Variants in SLC44A2 observed in about 807,000 individuals in gnomAD.
SLC44A2 encodes the protein choline transporter-like protein 2.
SLC44A2 carries 57 observed loss-of-function variants against 90.8 expected under a neutral mutation model. The observed-to-expected ratio is 0.63, with a 90% CI of 0.51 to 0.78. The LOEUF (loss-of-function observed/expected upper bound fraction) is 0.78, where lower values mean the gene tolerates loss of function less well. Among genes scored for constraint, SLC44A2 ranks in the 30% least tolerant of loss-of-function variants. The pLI, the probability that SLC44A2 is intolerant of heterozygous loss-of-function variation, is 0.00. For missense variants in SLC44A2, 794 were observed against 919.7 expected (o/e 0.86, Z 1.77); for synonymous variants, 355 against 360.7 (o/e 0.98, Z 0.18).
At chr19:10,635,538 G>A (rs2067045065) in intron 14 of SLC44A2, 23 bp downstream of exon 14, 4 of 1,602,426 alleles carry the variant, frequency 2.5e-6, no homozygotes, top group Non-Finnish European at 3.4e-6. Flanking sequence ...GGGGTGGGGA[G>A]GGCAGGTATT....
chr19:10,635,311 GC>G, intron 13 of SLC44A2, 56 bp downstream of exon 13: 2 of 1,608,668 alleles, frequency 1.2e-6, no homozygotes, highest in South Asian at 2.2e-5. Context: ...GACCAACTTT[GC>G]CTAGAAGTGA....
upstream of SLC44A2, chr19:10,625,240 C>A: frequency 4.7e-6 from 1 of 212,856 alleles, no homozygotes; most frequent in Non-Finnish European, 9.2e-6. Flanking sequence ...GGCAGTAGGC[C>A]GTTTTCCCTC....
intron 1 of SLC44A2, among the ~76,000 whole-genome samples, chr19:10,608,167 G>A (rs1410115996): frequency 6.6e-6 from 1 of 151,148 alleles, no homozygotes; most frequent in Admixed American, 6.6e-5. Context: ...AGGTTGTAGT[G>A]AGCCGAGATC....
intron 20 of SLC44A2, among the ~76,000 whole-genome samples, chr19:10,638,962 G>T (rs1421385322): frequency 6.6e-6 from 1 of 152,138 alleles, no homozygotes; most frequent in Admixed American, 6.6e-5. Context: ...ACCACGTGTG[G>T]CTAATTTTAC....
At chr19:10,616,902 C>G (rs2066859495) in intron 1 of SLC44A2, among the ~76,000 whole-genome samples, 1 of 152,052 alleles carries the variant, frequency 6.6e-6, no homozygotes, top group Non-Finnish European at 1.5e-5. Context: ...ACCACCACGC[C>G]CAGCTTGTTC....
At chr19:10,637,477 T>C (rs780123264) in intron 16 of SLC44A2, 167 bp from the exon 17 acceptor site, 22 of 631,380 alleles carry the variant, frequency 3.5e-5, no homozygotes, top group Non-Finnish European at 6.2e-5. Context: ...AGTGGCACCA[T>C]CATAGCTCAC....
Position 10,638,253 on chromosome 19 carries a change from C to T in SLC44A2, c.1867C>T (p.His623Tyr). The change falls in exon 20 of 22, where the codon CAC (histidine) becomes TAC (tyrosine). Residue 623 changes from histidine (H) to tyrosine (Y), a missense_variant. Transcript: ENST00000335757. ...GATCCTGGCTTTCTTCTTCTTCACC[C>T]ACCGTATCAGGATCGTGCAGGATAC... is the stretch of plus-strand genomic sequence containing the variant. Reference protein sequence around the residue: ...VGILAFFFFTHRIRIVQDTAP... With the variant: ...VGILAFFFFTYRIRIVQDTAP... 1 of 1,614,106 alleles carries T rather than the reference C, an allele frequency of 6.2e-7. No homozygotes were observed. The highest frequency in any genetic ancestry group is 2.2e-5 in the East Asian group (1 of 44,880).
At chr19:10,625,335 G>A (rs565738257), upstream of SLC44A2, 2 of 565,748 alleles carry the variant, frequency 3.5e-6, no homozygotes, top group African/African-American at 2.0e-5. Context: ...GGCATCGCCC[G>A]GTGGCAGGGT....
intron 1 of SLC44A2, among the ~76,000 whole-genome samples, chr19:10,604,656 C>A (rs959798393): frequency 6.6e-6 from 1 of 152,060 alleles, no homozygotes; most frequent in Non-Finnish European, 1.5e-5. Flanking sequence ...TGGGTGAGTC[C>A]GTGACCTCTC....
chr19:10,643,361 C>A lies in SLC44A2; in HGVS notation c.2097C>A (p.Thr699=). 1 of 1,612,884 alleles carries A rather than the reference C, an allele frequency of 6.2e-7. No homozygotes were observed. The highest frequency in any genetic ancestry group is 1.1e-5 in the South Asian group (1 of 90,766). ...SSTLKKLLNK[T]NKKAAES ...CCCTCAAGAAACTCTTGAACAAGAC[C>A]AACAAGAAGGCAGCGGAGTCCTGAA... Residue 699 remains threonine, a synonymous_variant, in exon 22 of 22, where the codon ACC becomes ACA. Transcript: ENST00000335757.
At chr19:10,623,846 C>T (rs1599239493), upstream of SLC44A2, among the ~76,000 whole-genome samples, 1 of 152,178 alleles carries the variant, frequency 6.6e-6, no homozygotes, top group East Asian at 1.9e-4. Flanking sequence ...CCCACCACCA[C>T]ACCTGGCTAA....
At chr19:10,619,498 G>A (rs1193737429) in intron 1 of SLC44A2, among the ~76,000 whole-genome samples, 3 of 149,488 alleles carry the variant, frequency 2.0e-5, no homozygotes, top group Admixed American at 6.7e-5. Flanking sequence ...GAGGCTGCTC[G>A]ATTTGCAATA....
At position 10,631,401 on chromosome 19, in the gene SLC44A2, T is replaced by G. The variant is rs772927685; in HGVS notation, c.441+16T>G. On this transcript the variant is annotated intron_variant, in intron 6 of 21. Coordinates refer to ENST00000335757, the MANE Select transcript of SLC44A2 (RefSeq NM_020428.4). ...GAACAATAAAGTGAGTTGTAGACTG[T>G]CCTGAGAGCACAGGTATGGGCAGTG... The G allele has an allele frequency of 6.2e-7, 1 of 1,614,056 alleles. No homozygotes were observed. The highest frequency in any genetic ancestry group is 8.5e-7 in the Non-Finnish European group (1 of 1,179,922).
intron 4 of SLC44A2, among the ~76,000 whole-genome samples, chr19:10,629,659 C>G (rs763365162): frequency 1.3e-5 from 2 of 151,940 alleles, no homozygotes; most frequent in Admixed American, 6.6e-5. Context: ...CTCGCTACAG[C>G]CTGGAACTCC....
intron 19 of SLC44A2, 47 bp from the exon 20 acceptor site, chr19:10,638,180 C>T (rs1004663025): frequency 6.2e-7 from 1 of 1,612,962 alleles, no homozygotes; most frequent in African/African-American, 1.3e-5. Flanking sequence ...GAGGCTGTTT[C>T]CTATATCCAG....
intron 21 of SLC44A2, chr19:10,642,951 C>CAGGA: frequency 6.3e-7 from 1 of 1,593,694 alleles, no homozygotes; most frequent in South Asian, 1.1e-5. Flanking sequence ...TTCATGTCGC[C>CAGGA]CGAGCTGAGA....
intron 14 of SLC44A2, chr19:10,635,773 CTTTTTTT>C (rs773477557): frequency 2.4e-5 from 5 of 206,036 alleles, no homozygotes; most frequent in South Asian, 2.4e-4. Flanking sequence ...TCCCTACTTC[CTTTTTTT>C]TTTTTTTTTT....
chr19:10,642,716 G>A (rs548086647), intron 21 of SLC44A2, among the ~76,000 whole-genome samples: 1 of 152,170 alleles, frequency 6.6e-6, no homozygotes, highest in East Asian at 1.9e-4. Context: ...GCTTTGACTG[G>A]GGGGAGGGGA....
intron 1 of SLC44A2, among the ~76,000 whole-genome samples, chr19:10,610,700 C>A (rs1456214268): frequency 8.3e-6 from 1 of 120,170 alleles, no homozygotes; most frequent in Non-Finnish European, 1.6e-5. Context: ...AGTGCAATGG[C>A]GTGATCTTGG....
Sources: allele counts gnomAD v4.1 joint callset (sites outside exome capture counted in the v4.1 genomes callset), GRCh38; gene constraint gnomAD v4.1.1; transcripts MANE v1.5; gene names NCBI Gene and HGNC (gene_info 2026-07-23, HGNC 2026-07-21).